NAXD: variants seen among roughly 807,000 people sequenced by gnomAD.
The protein encoded by NAXD is NAD(P)HX dehydratase, also known as ATP-dependent (S)-NAD(P)H-hydrate dehydratase.
NAXD carries 22 observed loss-of-function variants against 35.8 expected under a neutral mutation model. That is an observed-to-expected ratio of 0.62 (90% CI 0.44 to 0.88). The LOEUF (loss-of-function observed/expected upper bound fraction) is 0.88, where lower values mean the gene tolerates loss of function less well. Among genes scored for constraint, NAXD ranks in the 40% least tolerant of loss-of-function variants. The pLI, the probability that NAXD is intolerant of heterozygous loss-of-function variation, is 0.00. For missense variants in NAXD, 428 were observed against 437.7 expected (o/e 0.98, Z 0.20); for synonymous variants, 189 against 177.6 (o/e 1.06, Z -0.51).
rs1009817113 is a variant in NAXD at position 110,628,634 on chromosome 13, C to T, written c.441+1087C>T. 3.9e-5 allele frequency among the ~76,000 whole-genome samples: 6 copies of T among 152,090 alleles called. No homozygotes were observed. The highest frequency in any genetic ancestry group is 5.9e-5 in the Non-Finnish European group (4 of 68,018). On this transcript the variant is annotated intron_variant, in intron 5 of 9. Transcript: ENST00000680254. This position sits in a 1 kb window ranked among gnomAD's most constrained non-coding sequence, Gnocchi z 4.1. ...CTGACACTGCACAGACCAGGAAAAGCGGCGTGGAGTCAGCACGGGAGCCCG... is the reference window on the plus strand; with the variant it reads ...CTGACACTGCACAGACCAGGAAAAGTGGCGTGGAGTCAGCACGGGAGCCCG...
chr13:110,622,939 G>A (rs1309112507), intron 2 of NAXD, among the ~76,000 whole-genome samples: 1 of 152,062 alleles, frequency 6.6e-6, no homozygotes, highest in East Asian at 1.9e-4. Context: ...CCCTCCATTT[G>A]CAGCTGTTGA....
chr13:110,635,350 C>A, intron 7 of NAXD, 118 bp from the exon 8 acceptor site: 3 of 1,231,668 alleles, frequency 2.4e-6, no homozygotes, highest in South Asian at 1.4e-5. Context: ...TTAACAGGTG[C>A]CTGGGTGATC....
chr13:110,623,090 G>A (rs992364850), intron 2 of NAXD, among the ~76,000 whole-genome samples: 3 of 152,182 alleles, frequency 2.0e-5, no homozygotes, highest in Non-Finnish European at 4.4e-5. Context: ...GCCCTTGGAG[G>A]ACAACCTTTG....
intron 2 of NAXD, among the ~76,000 whole-genome samples, chr13:110,622,860 A>G (rs1039342124): frequency 1.3e-5 from 2 of 152,180 alleles, no homozygotes; most frequent in African/African-American, 4.8e-5. Context: ...TCTGACGGAA[A>G]GCCTGCCGTG....
chr13:110,621,986 C>T lies in NAXD; in HGVS notation c.47-230C>T, dbSNP rs529181615. ...CAGAGGTTGCAGTGAGCTGAGATCACGCCACTGCACTCCAGCCTGGGTGAC... is the reference window on the plus strand; with the variant it reads ...CAGAGGTTGCAGTGAGCTGAGATCATGCCACTGCACTCCAGCCTGGGTGAC... On this transcript the variant is annotated intron_variant, in intron 1 of 9. Transcript: ENST00000680254. Among the ~76,000 whole-genome samples, 257 of 149,456 alleles carry T rather than the reference C, an allele frequency of 1.7e-3. 1 individual carries two copies. Among genetic ancestry groups the T allele is most frequent in the African/African-American group, 6.0e-3 (242 of 40,536 alleles).
chr13:110,616,024 G>T, intron 1 of NAXD: 1 of 383,534 alleles, frequency 2.6e-6, no homozygotes, highest in Non-Finnish European at 4.6e-6. Flanking sequence ...GAGCCCGCGC[G>T]GTGGCCGGGG....
intron 1 of NAXD, among the ~76,000 whole-genome samples, chr13:110,617,438 T>C (rs539231986): frequency 1.3e-5 from 2 of 152,358 alleles, no homozygotes; most frequent in South Asian, 2.1e-4. Context: ...TTGATCTTTA[T>C]ATGTAAATGT....
chr13:110,615,806 G>A (rs914807864), intron 1 of NAXD, 159 bp downstream of exon 1: 1 of 1,302,304 alleles, frequency 7.7e-7, no homozygotes, highest in South Asian at 2.3e-5. Context: ...CTGCTGGCTC[G>A]CGGGGGGGAA....
intron 1 of NAXD, among the ~76,000 whole-genome samples, chr13:110,620,484 G>A (rs1051472277): frequency 2.0e-5 from 3 of 151,428 alleles, no homozygotes; most frequent in African/African-American, 4.9e-5. Context: ...GGAGGCTGAC[G>A]CAGGAGAATT....
chr13:110,627,555 G>A lies in NAXD; in HGVS notation c.441+8G>A, dbSNP rs1044130080. On this transcript the variant is annotated splice_region_variant and intron_variant, in intron 5 of 9. Coordinates refer to ENST00000680254, the MANE Select transcript of NAXD (RefSeq NM_001242882.2). The stretch of plus-strand genomic sequence containing the variant: ...CTTCTCAGAAATGTCCAGGTAATGT[G>A]TATACTCACTCACTTCCCTCATGAC... 1.3e-6 allele frequency: 2 copies of A among 1,579,432 alleles called. No individual in the cohort carries two copies. Among genetic ancestry groups the A allele is most frequent in the African/African-American group, 2.7e-5 (2 of 74,140 alleles).
At chr13:110,626,988 A>G (rs1886509782) in intron 4 of NAXD, among the ~76,000 whole-genome samples, 1 of 152,348 alleles carries the variant, frequency 6.6e-6, no homozygotes, top group African/African-American at 2.4e-5. Context: ...GAGGGCAAAG[A>G]TGATTTTGAA....
chr13:110,615,848 C>T, intron 1 of NAXD: 7 of 1,230,470 alleles, frequency 5.7e-6, no homozygotes, highest in Non-Finnish European at 7.2e-6. Context: ...CGCGCGGGGC[C>T]GGGGCGCCGT....
At chr13:110,635,638 A>G (rs1305929325) in intron 8 of NAXD, 50 bp downstream of exon 8, 7 of 1,601,730 alleles carry the variant, frequency 4.4e-6, no homozygotes, top group African/African-American at 4.0e-5. Context: ...GTCAGTCAGC[A>G]TGGCCACACC....
intron 1 of NAXD, among the ~76,000 whole-genome samples, chr13:110,621,758 G>A (rs1222653183): frequency 6.6e-6 from 1 of 151,846 alleles, no homozygotes; most frequent in Non-Finnish European, 1.5e-5. Context: ...GGCTGGGCAT[G>A]GTGGTTCACG....
chr13:110,624,300 T>C, intron 3 of NAXD, 21 bp downstream of exon 3: 3 of 1,467,084 alleles, frequency 2.0e-6, no homozygotes, highest in Non-Finnish European at 2.9e-6. Flanking sequence ...TTAAAATTTC[T>C]TTATTGGGAT....
chr13:110,627,626 C>A, intron 5 of NAXD, 79 bp downstream of exon 5: 2 of 982,036 alleles, frequency 2.0e-6, no homozygotes, highest in Non-Finnish European at 1.6e-6. Context: ...ATTTCTCTTG[C>A]ATTTTGTGTA....
rs530050951 is a variant in NAXD at position 110,638,899 on chromosome 13, G to A, written c.*371G>A. On this transcript the variant is annotated 3_prime_UTR_variant, in exon 10 of 10. Coordinates refer to ENST00000680254, the MANE Select transcript of NAXD (RefSeq NM_001242882.2). The surrounding 1 kb of genome is among the most constrained non-coding windows in gnomAD (Gnocchi z 5.4). The stretch of plus-strand genomic sequence containing the variant: ...GTTTCTACTTGTTACTCTCTCTGCC[G>A]GCGCCCTTCGTTCCTCCTCTGCTTC... 2.5e-4 allele frequency: 90 copies of A among 356,764 alleles called. No homozygotes were observed. The highest frequency in any genetic ancestry group is 2.2e-3 in the African/African-American group (83 of 38,266). The allele number at this position is 356,764 out of a possible 1,614,324, so 22.1% of individuals were successfully genotyped here.
intron 5 of NAXD, among the ~76,000 whole-genome samples, chr13:110,630,948 A>G (rs1886675552): frequency 6.6e-6 from 1 of 152,142 alleles, no homozygotes; most frequent in Non-Finnish European, 1.5e-5. Flanking sequence ...AGTCCTCCAA[A>G]TTCGCTCTTT....
intron 5 of NAXD, among the ~76,000 whole-genome samples, chr13:110,633,633 CAGGTGTCTGTCAAGT>C (rs1886806426): frequency 3.3e-5 from 5 of 152,200 alleles, no homozygotes; most frequent in Admixed American, 6.5e-5. Context: ...TTTGTATTAT[CAGGTGTCTGTCAAGT>C]CAGGATCACT....
Sources: allele counts gnomAD v4.1 joint callset (sites outside exome capture counted in the v4.1 genomes callset), GRCh38; gene constraint gnomAD v4.1.1; non-coding constraint Gnocchi (gnomAD v3.1); transcripts MANE v1.5; gene names NCBI Gene and HGNC (gene_info 2026-07-23, HGNC 2026-07-21).